Variants in GRM1 observed in about 807,000 individuals in gnomAD.
GRM1 encodes metabotropic glutamate receptor 1.
Under a neutral mutation model 90.9 loss-of-function variants are expected in GRM1, and 33 were observed. That is an observed-to-expected ratio of 0.36 (90% CI 0.28 to 0.49). The LOEUF is 0.49. GRM1 is among the 20% of genes least tolerant of loss of function. The pLI is 0.99. For synonymous variants in GRM1, 700 were observed against 613.2 expected (o/e 1.14, Z -2.09); for missense variants, 1,190 against 1,534.3 (o/e 0.78, Z 3.75).
At chr6:146,269,213 T>A (rs1782024232) in intron 2 of GRM1, among the ~76,000 whole-genome samples, 1 of 152,220 alleles carries the variant, frequency 6.6e-6, no homozygotes, top group Non-Finnish European at 1.5e-5. Context: ...TCAATTGACC[T>A]ATAAAATAAG....
chr6:146,304,645 G>A lies in GRM1; in HGVS notation c.985G>A (p.Gly329Ser). 6.2e-7 allele frequency: 1 copy of A among 1,613,730 alleles called. No homozygotes were observed. Among genetic ancestry groups the A allele is most frequent in the Middle Eastern group, 1.6e-4 (1 of 6,062 alleles). ...GWADRDEVIE[G>S]YEVEANGGIT... ...GGCAGACAGAGATGAAGTCATTGAA[G>A]GTTATGAGGTGGAAGCCAACGGGGG... is the stretch of plus-strand genomic sequence containing the variant. The change falls in exon 3 of 8, where the codon GGT becomes AGT. Residue 329 changes from glycine (G) to serine (S), a missense_variant. Gly to Ser is a moderately conservative substitution (Grantham distance 56, BLOSUM62 0). Coordinates refer to ENST00000282753, the MANE Select transcript of GRM1 (RefSeq NM_001278064.2).
chr6:146,175,860 G>T (rs1274961061), intron 2 of GRM1, among the ~76,000 whole-genome samples: 1 of 152,076 alleles, frequency 6.6e-6, no homozygotes, highest in Non-Finnish European at 1.5e-5. Flanking sequence ...TATATAGGTT[G>T]TATTTCACAG....
intron 3 of GRM1, among the ~76,000 whole-genome samples, chr6:146,305,125 CAGAA>C (rs963008770): frequency 6.6e-6 from 1 of 150,710 alleles, no homozygotes; most frequent in African/African-American, 2.4e-5. Flanking sequence ...GTATTTAAGA[CAGAA>C]GGAAGAGATT....
chr6:146,434,168 C>G lies in GRM1; in HGVS notation c.2957C>G (p.Ala986Gly). 1 of 1,613,602 alleles carries G rather than the reference C, an allele frequency of 6.2e-7. No homozygotes were observed. Among genetic ancestry groups the G allele is most frequent in the Non-Finnish European group, 8.5e-7 (1 of 1,179,600 alleles). ...GTGCACAGGCGCGTGCCAAGCGCGG[C>G]GACCACTCCGCCTCTGCCGTCCCAC... ...MVVHRRVPSA[A>G]TTPPLPSHLT... The change falls in exon 8 of 8, where the codon GCG becomes GGG. Residue 986 changes from alanine to glycine, a missense_variant. Ala to Gly is a moderately conservative substitution (Grantham distance 60). This residue lies in a region of GRM1 where 400 missense variants were observed against 360.8 expected (regional missense o/e 1.11). Transcript: ENST00000282753.
At chr6:146,275,231 G>A (rs1782310394) in intron 2 of GRM1, among the ~76,000 whole-genome samples, 1 of 152,098 alleles carries the variant, frequency 6.6e-6, no homozygotes, top group Non-Finnish European at 1.5e-5. Flanking sequence ...CTTCAGAGGT[G>A]GGAGATGTCA....
intron 3 of GRM1, among the ~76,000 whole-genome samples, chr6:146,318,819 C>G: frequency 6.6e-6 from 1 of 152,064 alleles, no homozygotes; most frequent in East Asian, 1.9e-4. Flanking sequence ...AGTGTCTGTT[C>G]ATATCTTTCA....
At chr6:146,270,877 C>CT (rs1782109340) in intron 2 of GRM1, among the ~76,000 whole-genome samples, 1 of 92,758 alleles carries the variant, frequency 1.1e-5, no homozygotes, top group South Asian at 4.1e-4. Context: ...TTCTTTCTTT[C>CT]TTTCTTTCTT....
rs571952496 is a variant in GRM1 at position 146,376,147 on chromosome 6, A to G, written c.1603-10743A>G. On this transcript the variant is annotated intron_variant, in intron 5 of 7. Coordinates refer to ENST00000282753, the MANE Select transcript of GRM1 (RefSeq NM_001278064.2). The stretch of plus-strand genomic sequence containing the variant: ...ACACTGTTTCAATAAACAAACAAAA[A>G]AGAAAACTAATAAAAACGATATGCC... 2.0e-5 allele frequency among the ~76,000 whole-genome samples: 3 copies of G among 152,312 alleles called. No homozygotes were observed. In the South Asian group the frequency reaches 6.2e-4, roughly 32 times the overall value.
rs374710820 is a variant in GRM1 at position 146,222,136 on chromosome 6, C to A, written c.950+62539C>A. On this transcript the variant is annotated intron_variant, in intron 2 of 7. Transcript: ENST00000282753. Reference sequence around the variant, plus strand: ...TTAATCCTTGCTTCTAACTCTAATTCTAATGGCTGAATGCAAAGGTACTTT... The same window carrying A: ...TTAATCCTTGCTTCTAACTCTAATTATAATGGCTGAATGCAAAGGTACTTT... Among the ~76,000 whole-genome samples the A allele has an allele frequency of 1.6e-3, 249 of 152,220 alleles. 10 individuals carry two copies. In the South Asian group the frequency reaches 0.048, roughly 30 times the overall value.
At chr6:146,064,868 A>C (rs1026974988) in intron 1 of GRM1, among the ~76,000 whole-genome samples, 4 of 151,968 alleles carry the variant, frequency 2.6e-5, no homozygotes, top group Non-Finnish European at 4.4e-5. Context: ...TAATAGTTAC[A>C]GAATTTTTTT....
At chr6:146,249,411 G>C (rs781353491) in intron 2 of GRM1, among the ~76,000 whole-genome samples, 2 of 152,050 alleles carry the variant, frequency 1.3e-5, no homozygotes, top group African/African-American at 2.4e-5. Context: ...GCATCCCCGC[G>C]GTTCCAGCTC....
chr6:146,117,926 T>C (rs1373806712), intron 1 of GRM1, among the ~76,000 whole-genome samples: 1 of 152,080 alleles, frequency 6.6e-6, no homozygotes, highest in Non-Finnish European at 1.5e-5. Flanking sequence ...TTATAAACAA[T>C]TATTTATTCA....
At chr6:146,335,062 G>T (rs1010517299) in intron 3 of GRM1, among the ~76,000 whole-genome samples, 1 of 152,142 alleles carries the variant, frequency 6.6e-6, no homozygotes, top group Non-Finnish European at 1.5e-5. Context: ...AGTTGCAGGT[G>T]TCTTATAGGT....
In GRM1 at chr6:146,333,643, A is replaced by G. The variant is rs150739691; in HGVS notation, c.1187-18607A>G. Among the ~76,000 whole-genome samples the G allele has an allele frequency of 1.8e-3, 271 of 152,282 alleles. 2 individuals carry two copies. Among genetic ancestry groups the G allele is most frequent in the African/African-American group, 6.0e-3 (248 of 41,560 alleles). ...CAGGGGCCAGAAGAGTGGGCTCTTTAGTCATCATTACTTGTCTCCAGGATC... is the reference window on the plus strand; with the variant it reads ...CAGGGGCCAGAAGAGTGGGCTCTTTGGTCATCATTACTTGTCTCCAGGATC... On this transcript the variant is annotated intron_variant, in intron 3 of 7. Transcript: ENST00000282753.
Position 146,357,594 on chromosome 6 carries a change from ATGAAGGAGTGC to A in GRM1, c.1507_1517del (p.Gly503HisfsTer2). On this transcript the variant is annotated frameshift_variant, in exon 5 of 8. Transcript: ENST00000282753. LOFTEE classifies it high-confidence loss of function. The stretch of plus-strand genomic sequence containing the variant: ...GACTATGTGCACGTTGGAACCTGGC[ATGAAGGAGTGC>A]TGAACATTGATGATTACAAAATCCA... 1 of 1,613,772 alleles carries A rather than the reference ATGAAGGAGTGC, an allele frequency of 6.2e-7. No homozygotes were observed. The highest frequency in any genetic ancestry group is 8.5e-7 in the Non-Finnish European group (1 of 1,179,654).
intron 1 of GRM1, among the ~76,000 whole-genome samples, chr6:146,033,782 C>CT (rs1372749327): frequency 6.6e-6 from 1 of 151,530 alleles, no homozygotes; most frequent in East Asian, 1.9e-4. Flanking sequence ...TTTTTAAGTA[C>CT]TTTTTTATTT....
intron 2 of GRM1, among the ~76,000 whole-genome samples, chr6:146,176,699 C>T (rs931458886): frequency 6.6e-6 from 1 of 152,046 alleles, no homozygotes; most frequent in African/African-American, 2.4e-5. Context: ...TGAAGTTGTA[C>T]TATTCTATAC....
chr6:146,193,935 A>G (rs1375930932), intron 2 of GRM1, among the ~76,000 whole-genome samples: 1 of 149,956 alleles, frequency 6.7e-6, no homozygotes, highest in Admixed American at 6.6e-5. Flanking sequence ...CTTCATTTTT[A>G]TGAAATACTG....
intron 6 of GRM1, among the ~76,000 whole-genome samples, chr6:146,390,157 T>C (rs1776664989): frequency 6.6e-6 from 1 of 152,094 alleles, no homozygotes; most frequent in Non-Finnish European, 1.5e-5. Context: ...AAATATACTT[T>C]TTATTTTTAA....
Sources: gnomAD v4.1 joint callset for allele counts (sites outside exome capture counted in the v4.1 genomes callset) on GRCh38, gnomAD v4.1.1 for gene constraint, gnomAD v4.1.1 regional missense constraint, MANE v1.5 for transcripts, NCBI Gene and HGNC (gene_info 2026-07-23, HGNC 2026-07-21) for gene names.